Variants in METTL16 observed in about 807,000 individuals in gnomAD.
The protein encoded by METTL16 is RNA N(6)-adenosine-methyltransferase METTL16.
Under a neutral mutation model 57.9 loss-of-function variants are expected in METTL16, and 19 were observed. The observed-to-expected ratio is 0.33, with a 90% CI of 0.23 to 0.48. METTL16 has a LOEUF of 0.48. Among genes scored for constraint, METTL16 ranks in the 20% least tolerant of loss-of-function variants. METTL16 has a pLI of 0.99. For synonymous variants in METTL16, 246 were observed against 255.6 expected, an observed-to-expected ratio of 0.96 and a Z score of 0.36; for missense variants, 434 against 691.5, an observed-to-expected ratio of 0.63 and a Z score of 4.18.
Position 2,419,804 on chromosome 17 carries a change from C to T in METTL16, c.*166G>A, listed in dbSNP as rs1265583212. ...CTACGACTCCCTGTAACTCAAAAAG[C>T]GGGAAGGAGGCGGGGGGAGGTGGGG... is the stretch of plus-strand genomic sequence containing the variant. On this transcript the variant is annotated 3_prime_UTR_variant, in exon 10 of 10. Transcript: ENST00000263092. 1.8e-5 allele frequency: 15 copies of T among 820,886 alleles called. No homozygotes were observed. The highest frequency in any genetic ancestry group is 4.2e-5 in the Admixed American group (2 of 47,556). 50.9% of individuals were successfully genotyped at this position (820,886 alleles called of 1,614,324 possible).
At chr17:2,481,370 T>A (rs917124921) in intron 2 of METTL16, among the ~76,000 whole-genome samples, 1 of 152,088 alleles carries the variant, frequency 6.6e-6, no homozygotes, top group Non-Finnish European at 1.5e-5. Flanking sequence ...AGATACCCCC[T>A]TAACGAAGTG....
intron 6 of METTL16, among the ~76,000 whole-genome samples, chr17:2,443,895 G>A (rs752991549): frequency 1.3e-5 from 2 of 152,198 alleles, no homozygotes; most frequent in Non-Finnish European, 1.5e-5. Context: ...TGGGAAAAGG[G>A]AAGATGTTGG....
intron 6 of METTL16, among the ~76,000 whole-genome samples, chr17:2,448,781 T>TAAAAAAAAAAAAAAAAA (rs1369462081): frequency 3.0e-5 from 1 of 33,696 alleles, no homozygotes; most frequent in African/African-American, 9.8e-5. Flanking sequence ...AATAAAAAAA[T>TAAAAAAAAAAAAAAAAA]AAAAAAATAA....
chr17:2,420,664 AAAAAAAG>A lies in METTL16; in HGVS notation c.1062+60_1062+66del, dbSNP rs199804529. The A allele has an allele frequency of 1.7e-3, 2,652 of 1,563,828 alleles. 28 individuals are homozygous for A. In the African/African-American group the frequency reaches 0.029, roughly 17 times the overall value. ...CCCTCTCTCCAAACTCTCAATAAAAAAAAAAAGAAAAAAGAAAAAAGAGAAGGATCAT... is the reference window on the plus strand; with the variant it reads ...CCCTCTCTCCAAACTCTCAATAAAAAAAAAAAGAAAAAAGAGAAGGATCAT... On this transcript the variant is annotated intron_variant, in intron 9 of 9. Transcript: ENST00000263092. The surrounding 1 kb of genome is among the most constrained non-coding windows in gnomAD (Gnocchi z 5.4).
chr17:2,427,520 G>T (rs1012981013), intron 8 of METTL16, among the ~76,000 whole-genome samples: 8 of 152,112 alleles, frequency 5.3e-5, no homozygotes, highest in African/African-American at 1.9e-4. Flanking sequence ...CTTTGTTGAT[G>T]GTAATGTTAC....
chr17:2,461,120 A>C (rs1409017346), intron 6 of METTL16, among the ~76,000 whole-genome samples: 2 of 152,158 alleles, frequency 1.3e-5, no homozygotes, highest in African/African-American at 2.4e-5. Context: ...TGGGAGGCTG[A>C]GACAGGAGAA....
intron 8 of METTL16, among the ~76,000 whole-genome samples, chr17:2,421,351 T>G (rs1489404712): frequency 1.3e-5 from 2 of 151,850 alleles, no homozygotes; most frequent in African/African-American, 4.8e-5. Flanking sequence ...TGAGACCCTG[T>G]CTCTTAAGAA....
At chr17:2,433,069 C>T (rs1391305935) in intron 8 of METTL16, among the ~76,000 whole-genome samples, 1 of 152,148 alleles carries the variant, frequency 6.6e-6, no homozygotes, top group Non-Finnish European at 1.5e-5. Flanking sequence ...GAAGTTTATG[C>T]AGAGTATAGA....
chr17:2,473,708 A>G (rs767104082), intron 3 of METTL16, 44 bp from the exon 4 acceptor site: 4 of 1,579,970 alleles, frequency 2.5e-6, no homozygotes, highest in Non-Finnish European at 3.4e-6. Flanking sequence ...CACCAGAGGG[A>G]AAGGTTACAA....
rs1567881629 is a variant in METTL16 at position 2,428,589 on chromosome 17, AT to A, written c.889-7686del. ...AATATATATATATATATATATATATATATATATATATATAAATTGTAATACA... is the reference window on the plus strand; with the variant it reads ...AATATATATATATATATATATATATAATATATATATATAAATTGTAATACA... On this transcript the variant is annotated intron_variant, in intron 8 of 9. Transcript: ENST00000263092. Among the ~76,000 whole-genome samples the A allele has an allele frequency of 7.8e-3, 390 of 49,924 alleles. 24 individuals carry two copies. The highest frequency in any genetic ancestry group is 0.034 in the African/African-American group (372 of 10,868). 32.8% of individuals were successfully genotyped at this position (49,924 alleles called of 152,430 possible). A position where few individuals can be genotyped will look rare whatever the true frequency, so the allele number is the denominator to read the frequency against.
At chr17:2,438,552 G>T (rs2066924623) in intron 7 of METTL16, among the ~76,000 whole-genome samples, 1 of 152,060 alleles carries the variant, frequency 6.6e-6, no homozygotes, top group Non-Finnish European at 1.5e-5. Flanking sequence ...ACCCAGGCTG[G>T]AGTGCAGTGT....
At chr17:2,492,152 A>C (rs1442045399) in intron 2 of METTL16, among the ~76,000 whole-genome samples, 20 of 151,910 alleles carry the variant, frequency 1.3e-4, no homozygotes, top group Non-Finnish European at 7.4e-5. Context: ...CGGAGCTTGC[A>C]GTGAGCCGAG....
chr17:2,499,450 C>T (rs2067471727), intron 2 of METTL16, among the ~76,000 whole-genome samples: 1 of 146,912 alleles, frequency 6.8e-6, no homozygotes, highest in South Asian at 2.1e-4. Context: ...TACAGATGCA[C>T]AGTGTTGCAC....
At chr17:2,448,508 T>C (rs1327143645) in intron 6 of METTL16, among the ~76,000 whole-genome samples, 1 of 58,230 alleles carries the variant, frequency 1.7e-5, no homozygotes, top group African/African-American at 8.2e-5. Context: ...TTAAGGGCGG[T>C]GCAAGATGTG....
At chr17:2,509,184 C>T (rs1274418704) in intron 1 of METTL16, among the ~76,000 whole-genome samples, 1 of 152,174 alleles carries the variant, frequency 6.6e-6, no homozygotes, top group Non-Finnish European at 1.5e-5. Flanking sequence ...CAACCATATC[C>T]ATCCTAGTCT....
chr17:2,426,892 T>C (rs1429892842), intron 8 of METTL16, among the ~76,000 whole-genome samples: 3 of 151,524 alleles, frequency 2.0e-5, no homozygotes, highest in African/African-American at 4.9e-5. Flanking sequence ...CCCAGCACTT[T>C]TGGAGGCCAA....
At chr17:2,440,239 A>T (rs1335865953) in intron 7 of METTL16, among the ~76,000 whole-genome samples, 1 of 151,916 alleles carries the variant, frequency 6.6e-6, no homozygotes, top group Non-Finnish European at 1.5e-5. Context: ...TCTGGTTGAC[A>T]GAGCAAGACA....
rs1052319453 is a variant in METTL16, at chr17:2,417,988, T to C, written c.*1982A>G. 2 of 151,908 alleles carry C rather than the reference T, an allele frequency of 1.3e-5. No homozygotes were observed. Among genetic ancestry groups the C allele is most frequent in the Non-Finnish European group, 2.9e-5 (2 of 67,998 alleles). 9.4% of individuals were successfully genotyped at this position (151,908 alleles called of 1,614,324 possible). A position where few individuals can be genotyped will look rare whatever the true frequency, so the allele number is the denominator to read the frequency against. On this transcript the variant is annotated 3_prime_UTR_variant, in exon 10 of 10. Coordinates refer to ENST00000263092, the MANE Select transcript of METTL16 (RefSeq NM_024086.4). ...TTCACTCGAGGTAAGGACAGTGGGG[T>C]GGTGTGGGCTGGCACAGCAGAAAAT...
chr17:2,506,400 C>T (rs2151581766), intron 1 of METTL16, among the ~76,000 whole-genome samples: 1 of 152,080 alleles, frequency 6.6e-6, no homozygotes, highest in South Asian at 2.1e-4. Flanking sequence ...ATTCTCCTGC[C>T]TCAGCCTGCC....
Sources: allele counts gnomAD v4.1 joint callset (sites outside exome capture counted in the v4.1 genomes callset), GRCh38; gene constraint gnomAD v4.1.1; non-coding constraint Gnocchi (gnomAD v3.1); transcripts MANE v1.5; gene names NCBI Gene and HGNC (gene_info 2026-07-23, HGNC 2026-07-21).